Variants in DOCK10 observed in about 807,000 individuals in gnomAD.
DOCK10 encodes the protein dedicator of cytokinesis 10, also known as dedicator of cytokinesis protein 10.
In DOCK10, 145 loss-of-function variants were observed where a neutral mutation model predicts 280.1. That is an observed-to-expected ratio of 0.52 (90% CI 0.45 to 0.59). The LOEUF (loss-of-function observed/expected upper bound fraction) is 0.59, where lower values mean the gene tolerates loss of function less well. Among genes scored for constraint, DOCK10 ranks in the 20% least tolerant of loss-of-function variants. The pLI, the probability that DOCK10 is intolerant of heterozygous loss-of-function variation, is 0.00. For missense variants in DOCK10, 2,368 were observed against 2,651.7 expected (o/e 0.89, Z 2.35); for synonymous variants, 915 against 942.2 (o/e 0.97, Z 0.53).
At chr2:224,797,241 T>G in intron 42 of DOCK10, 95 bp from the exon 43 acceptor site, 11 of 858,952 alleles carry the variant, frequency 1.3e-5, no homozygotes, top group Non-Finnish European at 1.6e-5. Flanking sequence ...AAAATCCCTC[T>G]CCTTTTTTTT....
chr2:224,819,766 G>A (rs1271035203), intron 28 of DOCK10, among the ~76,000 whole-genome samples: 1 of 151,762 alleles, frequency 6.6e-6, no homozygotes, highest in Non-Finnish European at 1.5e-5. Flanking sequence ...ACAGAGAATA[G>A]GTACATTTAA....
chr2:225,007,613 A>C (rs1472104561), intron 1 of DOCK10, among the ~76,000 whole-genome samples: 1 of 152,192 alleles, frequency 6.6e-6, no homozygotes, highest in Non-Finnish European at 1.5e-5. Flanking sequence ...ATCTAATATT[A>C]AGTTGTATTA....
intron 1 of DOCK10, chr2:224,982,628 A>G (rs899958428): frequency 1.7e-6 from 1 of 580,978 alleles, no homozygotes; most frequent in Non-Finnish European, 2.2e-6. Context: ...CATCGAGAGC[A>G]TGTTTCCTGT....
At chr2:225,037,421 T>A (rs1402909128) in intron 1 of DOCK10, among the ~76,000 whole-genome samples, 2 of 152,146 alleles carry the variant, frequency 1.3e-5, no homozygotes, top group Non-Finnish European at 2.9e-5. Flanking sequence ...TAGAACTGCA[T>A]CTTGGATAGA....
intron 1 of DOCK10, among the ~76,000 whole-genome samples, chr2:225,041,328 T>G (rs1410092730): frequency 6.6e-6 from 1 of 152,214 alleles, no homozygotes; most frequent in Admixed American, 6.5e-5. Flanking sequence ...AGAGCGCGGC[T>G]GCTGAGCCCC....
chr2:225,009,638 CAAA>C (rs10639609), intron 1 of DOCK10, among the ~76,000 whole-genome samples: 2 of 135,558 alleles, frequency 1.5e-5, no homozygotes, highest in Non-Finnish European at 3.1e-5. Context: ...AGCCCTAAGG[CAAA>C]AAAAAAAAAA....
At chr2:225,016,074 A>C (rs1391794262) in intron 1 of DOCK10, among the ~76,000 whole-genome samples, 1 of 152,094 alleles carries the variant, frequency 6.6e-6, no homozygotes, top group Non-Finnish European at 1.5e-5. Context: ...TTTATGTACT[A>C]TTTCCTATTT....
chr2:224,792,816 T>G (rs1692290995), intron 47 of DOCK10, among the ~76,000 whole-genome samples, 158 bp downstream of exon 47: 1 of 152,232 alleles, frequency 6.6e-6, no homozygotes, highest in Non-Finnish European at 1.5e-5. Context: ...ATGGGATTTC[T>G]GAATGGCAGG....
intron 1 of DOCK10, among the ~76,000 whole-genome samples, chr2:225,005,035 T>C (rs1212483017): frequency 6.6e-6 from 1 of 152,212 alleles, no homozygotes; most frequent in African/African-American, 2.4e-5. Flanking sequence ...ATGAAACTAA[T>C]TTTAGAAAAG....
chr2:224,953,047 A>G (rs1703852184), intron 1 of DOCK10, among the ~76,000 whole-genome samples: 1 of 144,194 alleles, frequency 6.9e-6, no homozygotes, highest in African/African-American at 2.6e-5. Flanking sequence ...AATGGCCCCA[A>G]AAGTACCATT....
Position 225,015,207 on chromosome 2 carries a change from T to C in DOCK10, c.123+27045A>G, listed in dbSNP as rs182534240. Among the ~76,000 whole-genome samples the C allele has an allele frequency of 3.9e-5, 6 of 152,286 alleles. No individual in the cohort carries two copies. In the East Asian group the frequency reaches 9.6e-4, roughly 24 times the overall value. Reference sequence around the variant, plus strand: ...TACTAATATAGCCAATACATGAAAGTATAAACATAAAAAACACTTTTCCTT... The same window carrying C: ...TACTAATATAGCCAATACATGAAAGCATAAACATAAAAAACACTTTTCCTT... On this transcript the variant is annotated intron_variant, in intron 1 of 55. Coordinates refer to ENST00000258390, the MANE Select transcript of DOCK10 (RefSeq NM_014689.3).
At chr2:224,895,832 C>CGT (rs1241925020) in intron 4 of DOCK10, among the ~76,000 whole-genome samples, 57 of 86,940 alleles carry the variant, frequency 6.6e-4, no homozygotes, top group East Asian at 3.3e-3. Context: ...TGTGTGTGTG[C>CGT]GTGTGTGTGT....
At chr2:224,792,334 T>C (rs541197353) in intron 47 of DOCK10, among the ~76,000 whole-genome samples, 1 of 152,282 alleles carries the variant, frequency 6.6e-6, no homozygotes, top group Admixed American at 6.5e-5. Context: ...CCCAGGCTGG[T>C]GTACAGTGGT....
intron 3 of DOCK10, among the ~76,000 whole-genome samples, chr2:224,913,884 C>G (rs567844876): frequency 4.2e-4 from 64 of 152,162 alleles, no homozygotes; most frequent in African/African-American, 1.4e-3. Flanking sequence ...CCCGCCACCA[C>G]GTCTGGCTAA....
At chr2:224,898,818 G>T (rs1014540781) in intron 3 of DOCK10, among the ~76,000 whole-genome samples, 1 of 152,150 alleles carries the variant, frequency 6.6e-6, no homozygotes, top group East Asian at 1.9e-4. Flanking sequence ...CTCGTGATCC[G>T]CCTGCCTTGG....
intron 17 of DOCK10, 94 bp from the exon 18 acceptor site, chr2:224,852,536 C>A: frequency 1.1e-6 from 1 of 937,224 alleles, no homozygotes; most frequent in Admixed American, 2.4e-5. Flanking sequence ...CTAATTAATC[C>A]AAAAAATGTA....
chr2:224,922,568 T>G (rs2125983763), intron 2 of DOCK10, among the ~76,000 whole-genome samples: 1 of 152,306 alleles, frequency 6.6e-6, no homozygotes, highest in Middle Eastern at 3.4e-3. Flanking sequence ...GTTTATAGTT[T>G]CAGGTCCATG....
At chr2:224,801,092 AAGCCTCCAGATGGC>A (rs1293986236) in intron 40 of DOCK10, among the ~76,000 whole-genome samples, 1 of 152,062 alleles carries the variant, frequency 6.6e-6, no homozygotes, top group Non-Finnish European at 1.5e-5. Flanking sequence ...TATGTAGATG[AAGCCTCCAGATGGC>A]AGACTTCAGA....
At chr2:224,916,864 G>C (rs1053708511) in intron 2 of DOCK10, 80 bp from the exon 3 acceptor site, 5 of 1,070,694 alleles carry the variant, frequency 4.7e-6, no homozygotes, top group Non-Finnish European at 7.0e-6. Flanking sequence ...ACACAAAAGG[G>C]AAGTCTTTTA....
Sources: allele counts gnomAD v4.1 joint callset (sites outside exome capture counted in the v4.1 genomes callset), GRCh38; gene constraint gnomAD v4.1.1; transcripts MANE v1.5; gene names NCBI Gene and HGNC (gene_info 2026-07-23, HGNC 2026-07-21).